CAST: variants seen among roughly 807,000 people sequenced by gnomAD.
CAST encodes MIR583 host.
Under a neutral mutation model 119.6 loss-of-function variants are expected in CAST, and 76 were observed. That is an observed-to-expected ratio of 0.64 (90% CI 0.53 to 0.77). The LOEUF is 0.77. Among genes scored for constraint, CAST ranks in the 30% least tolerant of loss-of-function variants. The pLI is 0.00. For missense variants in CAST, 953 were observed against 946.5 expected, an observed-to-expected ratio of 1.01 and a Z score of -0.09; for synonymous variants, 319 against 331.6, an observed-to-expected ratio of 0.96 and a Z score of 0.41.
chr5:96,757,466 T>G lies in CAST; in HGVS notation c.1733T>G (p.Leu578Arg), dbSNP rs1350768231. Residue 578 changes from leucine to arginine, a missense_variant, in exon 23 of 32, where the codon CTG becomes CGG. Physicochemically the swap from Leu to Arg is moderately radical, Grantham distance 102 (BLOSUM62 -2). Transcript: ENST00000675179. The part of the protein sequence containing the change: ...EVKDKDGKPL[L>R]PKESKEQLPP... ...TAGGATAAAGATGGAAAGCCACTCC[T>G]GCCAAAAGAGTCTAAGGAACAGCTT... 6 of 1,614,024 alleles carry G rather than the reference T, an allele frequency of 3.7e-6. No homozygotes were observed. The highest frequency in any genetic ancestry group is 5.1e-6 in the Non-Finnish European group (6 of 1,179,992).
At chr5:96,445,285 C>A in the CAST span, among the ~76,000 whole-genome samples, 4 of 152,154 alleles carry the variant, frequency 2.6e-5, no homozygotes, top group Non-Finnish European at 5.9e-5. Context: ...TTCTGAGGTA[C>A]ACACACCATG....
At chr5:96,477,573 C>T in the CAST span, among the ~76,000 whole-genome samples, 24,584 of 152,178 alleles carry the variant, frequency 0.16, 2,255 homozygotes, top group Middle Eastern at 0.27. Context: ...CATTCAATAA[C>T]GATGTCCAGT....
chr5:96,250,362 G>A, the CAST span, among the ~76,000 whole-genome samples: 43,384 of 152,014 alleles, frequency 0.29, 7,093 homozygotes, highest in Admixed American at 0.42. Context: ...TTTCTTCTCT[G>A]TGTCATCCTG....
chr5:96,144,780 G>A, the CAST span, among the ~76,000 whole-genome samples: 1 of 151,792 alleles, frequency 6.6e-6, no homozygotes, highest in South Asian at 2.1e-4. Context: ...AGGTTCAAGC[G>A]ATTATCCTGC....
At chr5:96,103,887 G>T in the CAST span, among the ~76,000 whole-genome samples, 1 of 151,532 alleles carries the variant, frequency 6.6e-6, no homozygotes, top group Non-Finnish European at 1.5e-5. Context: ...TTTAATGATT[G>T]CCATTCTAAC....
chr5:95,988,863 A>G, the CAST span, among the ~76,000 whole-genome samples: 1 of 152,340 alleles, frequency 6.6e-6, no homozygotes, highest in Non-Finnish European at 1.5e-5. Context: ...TTTTATCATC[A>G]GCAAACAGAT....
chr5:96,283,356 G>C, the CAST span, among the ~76,000 whole-genome samples: 1 of 152,020 alleles, frequency 6.6e-6, no homozygotes, highest in African/African-American at 2.4e-5. Context: ...GCTTCAAAAG[G>C]CTCAAATATA....
chr5:96,650,728 TTGTGTGTGTGTG>T (rs34230121), intron 1 of CAST, among the ~76,000 whole-genome samples: 11 of 142,164 alleles, frequency 7.7e-5, no homozygotes, highest in African/African-American at 1.6e-4. Flanking sequence ...ACCCACTTAA[TTGTGTGTGTGTG>T]TGTGTGTGTG....
chr5:96,091,357 C>G, the CAST span, among the ~76,000 whole-genome samples: 1 of 151,890 alleles, frequency 6.6e-6, no homozygotes, highest in Non-Finnish European at 1.5e-5. Context: ...CACGCGCCAC[C>G]ATGCCTGGCT....
rs180953204 is a variant in CAST at position 96,756,658 on chromosome 5, A to G, written c.1711-786A>G. Among the ~76,000 whole-genome samples the G allele has an allele frequency of 3.1e-3, 472 of 152,270 alleles. 10 individuals are homozygous for G. The highest frequency in any genetic ancestry group is 0.023 in the Admixed American group (359 of 15,290). ...AGGGATACTCAACTTGTACCTCTAA[A>G]CCATTGCACTTCACATTTTCAATGA... On this transcript the variant is annotated intron_variant, in intron 22 of 31. Transcript: ENST00000675179.
chr5:95,999,115 C>T, the CAST span, among the ~76,000 whole-genome samples: 1 of 151,992 alleles, frequency 6.6e-6, no homozygotes, highest in East Asian at 1.9e-4. Context: ...CCCAGTAAGA[C>T]CCCATGCCTA....
the CAST span, chr5:96,421,896 G>A: frequency 9.0e-6 from 14 of 1,561,484 alleles, no homozygotes; most frequent in Middle Eastern, 1.7e-4. Context: ...TCGTTTGTGG[G>A]ATCATATCGG....
the CAST span, among the ~76,000 whole-genome samples, chr5:96,268,411 T>TA: frequency 2.6e-5 from 4 of 151,580 alleles, 1 homozygote; most frequent in South Asian, 2.1e-4. Flanking sequence ...CATCTCTACA[T>TA]AAAAAAAAAT....
At chr5:96,561,363 AG>A (rs1003060227) in intron 1 of CAST, among the ~76,000 whole-genome samples, 1 of 128,974 alleles carries the variant, frequency 7.8e-6, no homozygotes, top group African/African-American at 2.6e-5. Context: ...AATAAAAAAA[AG>A]AAAAAAAGGA....
At chr5:96,575,177 T>C (rs996600830) in intron 1 of CAST, among the ~76,000 whole-genome samples, 1 of 152,106 alleles carries the variant, frequency 6.6e-6, no homozygotes, top group South Asian at 2.1e-4. Flanking sequence ...GGAATTGCAA[T>C]GGTATTGTAT....
the CAST span, among the ~76,000 whole-genome samples, chr5:96,448,195 G>A: frequency 6.6e-6 from 1 of 152,162 alleles, no homozygotes; most frequent in Non-Finnish European, 1.5e-5. Flanking sequence ...GTATTAACAT[G>A]TCTGGGGGCT....
At chr5:96,705,026 C>G (rs12188168) in intron 3 of CAST, among the ~76,000 whole-genome samples, 21,008 of 152,116 alleles carry the variant, frequency 0.14, 1,549 homozygotes, top group Middle Eastern at 0.18. Flanking sequence ...TTGAATAAAA[C>G]ATATTAAAAA....
At chr5:96,420,426 C>A in the CAST span, among the ~76,000 whole-genome samples, 1 of 152,128 alleles carries the variant, frequency 6.6e-6, no homozygotes, top group Non-Finnish European at 1.5e-5. Flanking sequence ...CCAAAGGTAC[C>A]CTTGCCAGTG....
the CAST span, chr5:96,432,985 A>G: frequency 1.2e-6 from 2 of 1,614,192 alleles, no homozygotes; most frequent in Non-Finnish European, 1.7e-6. Flanking sequence ...TTCAGTGCAC[A>G]CCAAGCGCAA....
Sources: gnomAD v4.1 joint callset for allele counts (sites outside exome capture counted in the v4.1 genomes callset) on GRCh38, gnomAD v4.1.1 for gene constraint, MANE v1.5 for transcripts, NCBI Gene and HGNC (gene_info 2026-07-23, HGNC 2026-07-21) for gene names.